Variants in TAFA1 observed in about 807,000 individuals in gnomAD.
TAFA1 encodes the protein chemokine-like protein TAFA-1.
TAFA1 carries 4 observed loss-of-function variants against 18.5 expected under a neutral mutation model. The observed-to-expected ratio is 0.22, with a 90% CI of 0.11 to 0.49. The LOEUF (loss-of-function observed/expected upper bound fraction) is 0.49. Among genes scored for constraint, TAFA1 ranks in the 20% least tolerant of loss-of-function variants. TAFA1 has a pLI of 0.98. For missense variants in TAFA1, 147 were observed against 169.0 expected (o/e 0.87, Z 0.72); for synonymous variants, 56 against 55.2 (o/e 1.01, Z -0.06).
intron 2 of TAFA1, among the ~76,000 whole-genome samples, chr3:68,055,595 T>A (rs1019802697): frequency 6.6e-6 from 1 of 152,038 alleles, no homozygotes; most frequent in African/African-American, 2.4e-5. Context: ...AAGGCAAGTA[T>A]CATCTCCCAA....
chr3:68,041,231 T>C (rs1266680758), intron 2 of TAFA1, among the ~76,000 whole-genome samples: 1 of 152,224 alleles, frequency 6.6e-6, no homozygotes. Flanking sequence ...AAAGACTCTG[T>C]GTTGAGATTC....
At chr3:68,354,743 C>G (rs2069331493) in intron 2 of TAFA1, among the ~76,000 whole-genome samples, 1 of 151,996 alleles carries the variant, frequency 6.6e-6, no homozygotes, top group Non-Finnish European at 1.5e-5. Flanking sequence ...GAGGGCTGCT[C>G]TCTGTTACTC....
At chr3:68,406,546 G>A (rs1457045399) in intron 2 of TAFA1, among the ~76,000 whole-genome samples, 6 of 152,136 alleles carry the variant, frequency 3.9e-5, no homozygotes, top group Non-Finnish European at 8.8e-5. Flanking sequence ...TTGACATCCA[G>A]GGTGAATGCC....
At chr3:68,509,045 C>A (rs2072808221) in intron 3 of TAFA1, among the ~76,000 whole-genome samples, 1 of 152,094 alleles carries the variant, frequency 6.6e-6, no homozygotes, top group Admixed American at 6.6e-5. Flanking sequence ...TAATTGCTGT[C>A]ACATTGGCCT....
intron 2 of TAFA1, among the ~76,000 whole-genome samples, chr3:68,182,094 A>G (rs2066209742): frequency 1.3e-5 from 2 of 152,128 alleles, no homozygotes; most frequent in Admixed American, 1.3e-4. Flanking sequence ...TTGCAGTCTT[A>G]GCTACTGGTG....
intron 2 of TAFA1, among the ~76,000 whole-genome samples, chr3:68,232,806 G>A (rs771990226): frequency 7.2e-5 from 11 of 152,002 alleles, no homozygotes; most frequent in Non-Finnish European, 1.5e-4. Flanking sequence ...GTCTCGTTAC[G>A]TTTCTCAGTC....
intron 2 of TAFA1, among the ~76,000 whole-genome samples, chr3:68,323,480 G>A (rs1333489977): frequency 6.6e-6 from 1 of 152,210 alleles, no homozygotes; most frequent in Non-Finnish European, 1.5e-5. Context: ...CAGCATCTGA[G>A]TTAACTACAG....
At chr3:68,462,445 G>T (rs1289303752) in intron 3 of TAFA1, among the ~76,000 whole-genome samples, 1 of 152,054 alleles carries the variant, frequency 6.6e-6, no homozygotes, top group African/African-American at 2.4e-5. Context: ...ACGTGAATTT[G>T]CTCCTCACTC....
intron 2 of TAFA1, among the ~76,000 whole-genome samples, chr3:68,144,790 A>C (rs1159870942): frequency 6.6e-6 from 1 of 152,112 alleles, no homozygotes; most frequent in Non-Finnish European, 1.5e-5. Context: ...TTCAGAGTTC[A>C]ACTTAGGGTC....
chr3:68,064,257 A>C lies in TAFA1; in HGVS notation c.118+57513A>C, dbSNP rs531598609. Among the ~76,000 whole-genome samples, 3 of 152,252 alleles carry C rather than the reference A, an allele frequency of 2.0e-5. No homozygotes were observed. In the South Asian group the frequency reaches 6.2e-4, roughly 32 times the overall value. On this transcript the variant is annotated intron_variant, in intron 2 of 4. Coordinates refer to ENST00000478136, the MANE Select transcript of TAFA1 (RefSeq NM_213609.4). ...TTTCTCCGAAAAAAGAAATGGGGAT[A>C]GTTGATGAGGAGTCAGGAGGACTCT...
At chr3:68,072,106 G>T (rs559129352) in intron 2 of TAFA1, among the ~76,000 whole-genome samples, 1 of 152,302 alleles carries the variant, frequency 6.6e-6, no homozygotes, top group South Asian at 2.1e-4. Context: ...ACACTTCCAG[G>T]AACATTGTTA....
chr3:68,435,385 A>T (rs1051840879), intron 3 of TAFA1, among the ~76,000 whole-genome samples: 2 of 152,126 alleles, frequency 1.3e-5, no homozygotes, highest in African/African-American at 2.4e-5. Flanking sequence ...GCCATGGTGG[A>T]TATTGAAACT....
chr3:68,022,809 TTA>T (rs72063200), intron 2 of TAFA1, among the ~76,000 whole-genome samples: 4,138 of 117,426 alleles, frequency 0.035, 89 homozygotes, highest in East Asian at 0.14. Flanking sequence ...TGTATAAGAT[TTA>T]TATATATATA....
intron 4 of TAFA1, among the ~76,000 whole-genome samples, chr3:68,544,104 TA>T (rs1258543609): frequency 6.6e-6 from 1 of 151,982 alleles, no homozygotes; most frequent in East Asian, 1.9e-4. Context: ...GGCCCTTGTT[TA>T]AAAATTATTA....
chr3:68,450,197 A>G (rs533092794), intron 3 of TAFA1, among the ~76,000 whole-genome samples: 1 of 152,330 alleles, frequency 6.6e-6, no homozygotes, highest in African/African-American at 2.4e-5. Flanking sequence ...TTTGAGGATA[A>G]TAGAGGAAAA....
chr3:68,244,201 A>G (rs1161955122), intron 2 of TAFA1, among the ~76,000 whole-genome samples: 3 of 152,154 alleles, frequency 2.0e-5, no homozygotes, highest in African/African-American at 7.2e-5. Context: ...TCTTCTTCCA[A>G]ACTCTAATTT....
chr3:68,245,339 A>T (rs2067058404), intron 2 of TAFA1, among the ~76,000 whole-genome samples: 1 of 152,212 alleles, frequency 6.6e-6, no homozygotes, highest in Non-Finnish European at 1.5e-5. Flanking sequence ...AGCAGAGGCC[A>T]TGTAGCTAAG....
intron 2 of TAFA1, among the ~76,000 whole-genome samples, chr3:68,403,443 C>T (rs2070535930): frequency 6.6e-6 from 1 of 152,214 alleles, no homozygotes. Flanking sequence ...ACTAGATCTT[C>T]TGGAGCAGGC....
intron 2 of TAFA1, among the ~76,000 whole-genome samples, chr3:68,040,512 A>ATAGG (rs1332855536): frequency 6.6e-6 from 1 of 152,170 alleles, no homozygotes; most frequent in East Asian, 1.9e-4. Context: ...CTATATTAAT[A>ATAGG]CCGACTAAAG....
Sources: allele counts gnomAD v4.1 joint callset (sites outside exome capture counted in the v4.1 genomes callset), GRCh38; gene constraint gnomAD v4.1.1; transcripts MANE v1.5; gene names NCBI Gene and HGNC (gene_info 2026-07-23, HGNC 2026-07-21).